VCAN: variants seen among roughly 807,000 people sequenced by gnomAD.
The protein encoded by VCAN is versican.
A neutral mutation model predicts 245.5 loss-of-function variants in VCAN; 44 were observed. The observed-to-expected ratio is 0.18, with a 90% CI of 0.14 to 0.23. The LOEUF (loss-of-function observed/expected upper bound fraction) is 0.23. Among genes scored for constraint, VCAN ranks in the 10% least tolerant of loss-of-function variants. The pLI, the probability that VCAN is intolerant of heterozygous loss-of-function variation, is 1.00. For missense variants in VCAN, 3,793 were observed against 4,057.9 expected (o/e 0.93, Z 1.77); for synonymous variants, 1,413 against 1,437.0 (o/e 0.98, Z 0.38).
chr5:83,491,675 C>G (rs1250358402), intron 3 of VCAN, among the ~76,000 whole-genome samples: 1 of 152,056 alleles, frequency 6.6e-6, no homozygotes, highest in African/African-American at 2.4e-5. Context: ...TGGATTTGCC[C>G]CTTGCCCCTC....
rs368470324 is a variant in VCAN at position 83,563,387 on chromosome 5, C to T, written c.9735+8349C>T. Among the ~76,000 whole-genome samples, 124 of 152,102 alleles carry T rather than the reference C, an allele frequency of 8.2e-4. 1 individual carries two copies. The highest frequency in any genetic ancestry group is 2.9e-3 in the African/African-American group (119 of 41,414). On this transcript the variant is annotated intron_variant, in intron 12 of 14. Coordinates refer to ENST00000265077, the MANE Select transcript of VCAN (RefSeq NM_004385.5). Reference sequence around the variant, plus strand: ...CCCCCTCCAGACTGCAAACAAATGCCTATTGTGTACACCAGCCATCTAGGG... The same window carrying T: ...CCCCCTCCAGACTGCAAACAAATGCTTATTGTGTACACCAGCCATCTAGGG...
intron 13 of VCAN, among the ~76,000 whole-genome samples, chr5:83,578,252 A>G (rs1050706303): frequency 2.0e-5 from 3 of 152,068 alleles, no homozygotes; most frequent in Non-Finnish European, 4.4e-5. Context: ...AATACTGCGT[A>G]TTTTCACTTA....
intron 12 of VCAN, among the ~76,000 whole-genome samples, chr5:83,559,714 C>G (rs1747797600): frequency 6.6e-5 from 10 of 152,106 alleles, no homozygotes; most frequent in Admixed American, 4.6e-4. Context: ...AATCAACTTC[C>G]TGACACTGAG....
intron 13 of VCAN, among the ~76,000 whole-genome samples, chr5:83,572,859 ATTTT>A (rs1289741699): frequency 7.9e-6 from 1 of 126,636 alleles, no homozygotes; most frequent in African/African-American, 3.1e-5. Flanking sequence ...AGACCTTTTT[ATTTT>A]TATTTATTTA....
intron 10 of VCAN, among the ~76,000 whole-genome samples, chr5:83,548,743 C>T (rs537620999): frequency 2.6e-4 from 40 of 152,186 alleles, no homozygotes; most frequent in Non-Finnish European, 4.9e-4. Context: ...GCTAAGCACA[C>T]TCAGCTTTGG....
chr5:83,503,598 T>A (rs1318511734), intron 5 of VCAN, among the ~76,000 whole-genome samples: 1 of 152,202 alleles, frequency 6.6e-6, no homozygotes, highest in Non-Finnish European at 1.5e-5. Context: ...AAGAACTGAT[T>A]TTCAGACCAA....
intron 5 of VCAN, among the ~76,000 whole-genome samples, chr5:83,507,108 A>G (rs935503416): frequency 6.6e-6 from 1 of 152,148 alleles, no homozygotes; most frequent in Non-Finnish European, 1.5e-5. Context: ...AAAATAAAAC[A>G]TTTTCTCATG....
chr5:83,570,776 G>C (rs1221903130), intron 12 of VCAN, among the ~76,000 whole-genome samples: 1 of 150,472 alleles, frequency 6.6e-6, no homozygotes. Flanking sequence ...CTTAAAAATA[G>C]TGATAGTACT....
At chr5:83,551,538 A>G (rs777429702) in intron 10 of VCAN, among the ~76,000 whole-genome samples, 21 of 152,208 alleles carry the variant, frequency 1.4e-4, no homozygotes, top group South Asian at 6.2e-4. Flanking sequence ...AAAAAAGACA[A>G]AAAAGGGGAA....
intron 13 of VCAN, among the ~76,000 whole-genome samples, chr5:83,574,763 T>A (rs1406902803): frequency 2.6e-5 from 4 of 152,204 alleles, no homozygotes; most frequent in African/African-American, 9.6e-5. Flanking sequence ...GGATCACAAA[T>A]GCCATCCTTA....
At chr5:83,559,915 A>G (rs1367302587) in intron 12 of VCAN, among the ~76,000 whole-genome samples, 1 of 151,934 alleles carries the variant, frequency 6.6e-6, no homozygotes, top group East Asian at 1.9e-4. Context: ...TCTTTGTGAC[A>G]TTTTTTGCCT....
intron 1 of VCAN, among the ~76,000 whole-genome samples, chr5:83,482,187 C>G (rs1744637072): frequency 6.6e-6 from 1 of 152,194 alleles, no homozygotes; most frequent in Non-Finnish European, 1.5e-5. Context: ...CCAGAGGTAT[C>G]TCACTTACTC....
intron 5 of VCAN, among the ~76,000 whole-genome samples, chr5:83,496,091 G>A (rs1745151755): frequency 6.6e-6 from 1 of 152,202 alleles, no homozygotes; most frequent in Non-Finnish European, 1.5e-5. Context: ...ACAAGTCTTA[G>A]TGGTGGGAGT....
intron 3 of VCAN, among the ~76,000 whole-genome samples, chr5:83,493,080 G>A (rs1745032250): frequency 6.6e-6 from 1 of 152,216 alleles, no homozygotes; most frequent in South Asian, 2.1e-4. Flanking sequence ...GGAAGAAGTG[G>A]TGTTAGTGAA....
chr5:83,543,896 T>C (rs1008175973), intron 8 of VCAN, among the ~76,000 whole-genome samples: 2 of 152,218 alleles, frequency 1.3e-5, no homozygotes, highest in East Asian at 1.9e-4. Flanking sequence ...CAGAGGTTAA[T>C]ACGAACTGTT....
intron 5 of VCAN, among the ~76,000 whole-genome samples, chr5:83,504,800 G>A (rs955141874): frequency 2.0e-5 from 3 of 152,058 alleles, no homozygotes; most frequent in African/African-American, 4.8e-5. Flanking sequence ...CCATTTTCAT[G>A]CTGCTGATAA....
chr5:83,576,516 C>G (rs938200768), intron 13 of VCAN, among the ~76,000 whole-genome samples: 1 of 152,126 alleles, frequency 6.6e-6, no homozygotes, highest in African/African-American at 2.4e-5. Flanking sequence ...CTTTTATAAA[C>G]AATGTTTCTA....
intron 9 of VCAN, among the ~76,000 whole-genome samples, 197 bp from the exon 10 acceptor site, chr5:83,547,774 A>G (rs186343488): frequency 1.3e-3 from 196 of 152,322 alleles, no homozygotes; most frequent in African/African-American, 4.5e-3. Context: ...GTTTCAAGTA[A>G]AAACGAAATA....
intron 13 of VCAN, among the ~76,000 whole-genome samples, chr5:83,574,960 C>T (rs1432619083): frequency 3.9e-5 from 6 of 152,228 alleles, no homozygotes; most frequent in Non-Finnish European, 2.9e-5. Flanking sequence ...AATAGAAATT[C>T]TGTAAAATAT....
Sources: gnomAD v4.1 joint callset for allele counts (sites outside exome capture counted in the v4.1 genomes callset) on GRCh38, gnomAD v4.1.1 for gene constraint, MANE v1.5 for transcripts, NCBI Gene and HGNC (gene_info 2026-07-23, HGNC 2026-07-21) for gene names.